Variants in MAX observed in about 807,000 individuals in gnomAD.
MAX encodes MYC associated transcriptional regulator X.
Under a neutral mutation model 22.3 loss-of-function variants are expected in MAX, and 3 were observed. The ratio of observed to expected loss-of-function variants is 0.13; its 90% CI spans 0.06 to 0.35. MAX has a LOEUF of 0.35. Among genes scored for constraint, MAX ranks in the 10% least tolerant of loss-of-function variants. The pLI is 1.00. For synonymous variants in MAX, 72 were observed against 77.7 expected (o/e 0.93, Z 0.39); for missense variants, 119 against 209.4 (o/e 0.57, Z 2.66).
At chr14:65,073,658 C>A (rs2063011338), downstream of MAX, among the ~76,000 whole-genome samples, 2 of 152,138 alleles carry the variant, frequency 1.3e-5, no homozygotes, top group South Asian at 4.1e-4. Context: ...AAGCTATGGT[C>A]CGACTTTGGT....
chr14:65,102,551 G>T, upstream of MAX: 1 of 1,446,596 alleles, frequency 6.9e-7, no homozygotes, highest in Non-Finnish European at 9.1e-7. Flanking sequence ...CGCACGCCCG[G>T]TCGGCCCCCG....
rs565013316 is a variant in MAX, at chr14:65,017,682, T to G, written c.172-11398A>C. On this transcript the variant is annotated intron_variant, in intron 3 of 3. Coordinates refer to the MAX transcript ENST00000341653. The stretch of plus-strand genomic sequence containing the variant: ...TTTTTTTTAAATGTAAAGCTGGGTG[T>G]GGTGGCTCACGCCTGTAATCCCAAG... Among the ~76,000 whole-genome samples the G allele has an allele frequency of 3.9e-5, 6 of 152,250 alleles. No individual in the cohort carries two copies. In the South Asian group the frequency reaches 1.2e-3, roughly 32 times the overall value.
intron 3 of MAX, among the ~76,000 whole-genome samples, chr14:65,065,978 G>GT (rs1193967897): frequency 2.0e-5 from 3 of 152,158 alleles, no homozygotes; most frequent in African/African-American, 4.8e-5. Context: ...GCCCGAGCCC[G>GT]TATCTGCTGC....
At chr14:65,083,786 A>G (rs1254725542) in intron 3 of MAX, 2 of 1,121,332 alleles carry the variant, frequency 1.8e-6, no homozygotes, top group Non-Finnish European at 2.2e-6. Flanking sequence ...GTTATTTTAG[A>G]GAAAATGAAA....
In MAX at chr14:65,076,513, G is replaced by C; in HGVS notation, c.446C>G (p.Pro149Arg). ...DSSSESEPEE[P>R]QSRKKLRMEA... is the part of the protein sequence containing the mutation. ...CATCCGGAGCTTCTTCCTGCTTTGG[G>C]GCTCTTCAGGCTCAGACTCCGAGCT... is the stretch of plus-strand genomic sequence containing the variant. The change falls in exon 5 of 5, where the codon CCC becomes CGC. Residue 149 changes from proline (P) to arginine (R), a missense_variant. Around this residue, in one of 3 missense-constraint regions of MAX, gnomAD observed 95 missense variants for 148.1 expected, o/e 0.64. Transcript: ENST00000358664. This position sits in a 1 kb window ranked among gnomAD's most constrained non-coding sequence, Gnocchi z 6.6. 6.2e-7 allele frequency: 1 copy of C among 1,613,906 alleles called. No homozygotes were observed. The highest frequency in any genetic ancestry group is 8.5e-7 in the Non-Finnish European group (1 of 1,180,002).
Position 65,062,299 on chromosome 14 carries a change from C to G in MAX, c.171+31409G>C, listed in dbSNP as rs2062879901. Reference sequence around the variant, plus strand: ...AGGATTTATTCACGTCCTGCCCACTCTAGGCTCACAGGAATAAAATCAAGT... The same window carrying G: ...AGGATTTATTCACGTCCTGCCCACTGTAGGCTCACAGGAATAAAATCAAGT... On this transcript the variant is annotated intron_variant, in intron 3 of 3. Coordinates refer to the MAX transcript ENST00000341653. This position sits in a 1 kb window ranked among gnomAD's most constrained non-coding sequence, Gnocchi z 4.3. The G allele has an allele frequency of 6.6e-6, 1 of 152,308 alleles. No individual in the cohort carries two copies. The highest frequency in any genetic ancestry group is 1.5e-5 in the Non-Finnish European group (1 of 68,062). 9.4% of individuals were successfully genotyped at this position (152,308 alleles called of 1,614,324 possible).
chr14:65,037,402 C>CTTTTTTTTTTTTTTTTTTTTTTT (rs765037575), intron 3 of MAX, among the ~76,000 whole-genome samples: 4 of 14,532 alleles, frequency 2.8e-4, no homozygotes, highest in Non-Finnish European at 5.6e-4. Context: ...CACGCCGGGC[C>CTTTTTTTTTTTTTTTTTTTTTTT]CTTTTTTTTT....
At chr14:65,046,427 G>A (rs141493890) in intron 3 of MAX, among the ~76,000 whole-genome samples, 69 of 152,312 alleles carry the variant, frequency 4.5e-4, no homozygotes, top group Middle Eastern at 3.4e-3. Flanking sequence ...AGGGAAATGT[G>A]GAATGAGCTA....
chr14:65,089,679 G>T (rs1413969538), intron 3 of MAX, among the ~76,000 whole-genome samples: 1 of 142,994 alleles, frequency 7.0e-6, no homozygotes, highest in Non-Finnish European at 1.5e-5. Context: ...CTTAGTGCCA[G>T]TGAACCATTG....
chr14:65,087,133 A>C (rs2063357454), intron 3 of MAX, among the ~76,000 whole-genome samples: 1 of 152,194 alleles, frequency 6.6e-6, no homozygotes, highest in Non-Finnish European at 1.5e-5. Flanking sequence ...ACCTCTGCCT[A>C]GATTTCAGAG....
At chr14:65,080,110 G>T (rs914466528) in intron 3 of MAX, among the ~76,000 whole-genome samples, 5 of 152,210 alleles carry the variant, frequency 3.3e-5, no homozygotes, top group African/African-American at 1.2e-4. Flanking sequence ...GGGAAAGATG[G>T]CTTCTGGCTG....
Position 65,076,627 on chromosome 14 carries a change from A to C in MAX, c.332T>G (p.Leu111Arg), listed in dbSNP as rs1477107672. 1.2e-6 allele frequency: 2 copies of C among 1,614,056 alleles called. No homozygotes were observed. Among genetic ancestry groups the C allele is most frequent in the African/African-American group, 2.7e-5 (2 of 74,912 alleles). The change falls in exon 5 of 5, where the codon CTG (leucine) becomes CGG (arginine). Residue 111 changes from leucine to arginine, a missense_variant. Leu to Arg is a moderately radical substitution (Grantham distance 102, BLOSUM62 -2). Around this residue, in one of 3 missense-constraint regions of MAX, gnomAD observed 95 missense variants for 148.1 expected, o/e 0.64. Transcript: ENST00000358664. The surrounding 1 kb of genome is among the most constrained non-coding windows in gnomAD (Gnocchi z 6.6). Reference sequence around the variant, plus strand: ...GTCTGAGGAGGGGTAGTTGGTCTGCAGTTGGGCACTTGACCTCGCCTTCTC... The same window carrying C: ...GTCTGAGGAGGGGTAGTTGGTCTGCCGTTGGGCACTTGACCTCGCCTTCTC... ...ALEKARSSAQ[L>R]QTNYPSSDNS...
Position 65,077,943 on chromosome 14 carries a change from T to A in MAX, c.265A>T (p.Lys89Ter). 6.2e-7 allele frequency: 1 copy of A among 1,614,232 alleles called. No homozygotes were observed. The highest frequency in any genetic ancestry group is 1.1e-5 in the South Asian group (1 of 91,090). ...TGCTCCAGAAGAGCATTCTGCCGCT[T>A]GAGGTCGTCAATATCTTGCTGGTGT... is the stretch of plus-strand genomic sequence containing the variant. Reference protein sequence around the residue: ...HTHQQDIDDLKRQNALLEQQV... With the variant: ...HTHQQDIDDL The change falls in exon 4 of 5, where the codon AAG (lysine) becomes TAG (stop). Residue 89 changes from lysine (K) to a stop codon, truncating the protein, a stop_gained. Coordinates refer to ENST00000358664, the MANE Select transcript of MAX (RefSeq NM_002382.5). LOFTEE classifies it high-confidence loss of function. The surrounding 1 kb of genome is among the most constrained non-coding windows in gnomAD (Gnocchi z 6.3).
intron 3 of MAX, among the ~76,000 whole-genome samples, chr14:65,067,915 G>T (rs572345221): frequency 4.0e-5 from 6 of 151,278 alleles, no homozygotes; most frequent in African/African-American, 1.5e-4. Flanking sequence ...TTACAGGCAT[G>T]AGCCACCGTG....
rs1346263368 is a variant in MAX, at chr14:65,054,390, G to T, written c.171+39318C>A. 6.6e-6 allele frequency among the ~76,000 whole-genome samples: 1 copy of T among 151,666 alleles called. No individual in the cohort carries two copies. On this transcript the variant is annotated intron_variant, in intron 3 of 3. Coordinates refer to the MAX transcript ENST00000341653. The surrounding 1 kb of genome is among the most constrained non-coding windows in gnomAD (Gnocchi z 4.4). ...CCTCCTGCTTGCTGGGATTATGGGT[G>T]TGAGCCACTGTGCTCAGCCAGTGGG...
chr14:65,092,874 T>TA (rs2063550153), intron 3 of MAX, among the ~76,000 whole-genome samples: 1 of 152,234 alleles, frequency 6.6e-6, no homozygotes, highest in African/African-American at 2.4e-5. Flanking sequence ...TCCTTCTTTA[T>TA]AAAACACTGG....
intron 2 of MAX, among the ~76,000 whole-genome samples, chr14:65,097,504 A>T (rs770812093): frequency 1.3e-5 from 2 of 152,180 alleles, no homozygotes; most frequent in African/African-American, 2.4e-5. Flanking sequence ...CTGACAGCTA[A>T]CCCCACCTAT....
chr14:65,032,801 A>C lies in MAX; in HGVS notation c.172-26517T>G. On this transcript the variant is annotated intron_variant, in intron 3 of 3. Transcript: ENST00000341653. This position sits in a 1 kb window ranked among gnomAD's most constrained non-coding sequence, Gnocchi z 5.0. ...AGAGGGACTTGGAAGGAAATACAAA[A>C]ATCACAGGAGATCCATTAGGGTTAT... The C allele has an allele frequency of 9.2e-7, 1 of 1,088,222 alleles. No homozygotes were observed. The highest frequency in any genetic ancestry group is 1.3e-6 in the Non-Finnish European group (1 of 778,258). The allele number at this position is 1,088,222 out of a possible 1,614,324, so 67.4% of individuals were successfully genotyped here.
Position 65,102,236 on chromosome 14 carries a change from C to T in MAX, c.36+68G>A, listed in dbSNP as rs776530448. ...GCCCGGCCCCCTCCCGCCGTCGCCC[C>T]GCTAAGAGCCCCGGCCGCTGTCCCC... On this transcript the variant is annotated intron_variant, in intron 1 of 4. Coordinates refer to ENST00000358664, the MANE Select transcript of MAX (RefSeq NM_002382.5). The T allele has an allele frequency of 6.2e-6, 10 of 1,602,836 alleles. No homozygotes were observed. The East Asian group carries it at 2.3e-4, about 37-fold the overall frequency.
Sources: allele counts gnomAD v4.1 joint callset (sites outside exome capture counted in the v4.1 genomes callset), GRCh38; gene constraint gnomAD v4.1.1; regional missense constraint gnomAD v4.1.1; non-coding constraint Gnocchi (gnomAD v3.1); transcripts MANE v1.5; gene names NCBI Gene and HGNC (gene_info 2026-07-23, HGNC 2026-07-21).